LCOR: variants seen among roughly 807,000 people sequenced by gnomAD.
LCOR encodes the protein ligand dependent nuclear receptor corepressor, also known as ligand-dependent corepressor.
LCOR carries 14 observed loss-of-function variants against 64.4 expected under a neutral mutation model. That is an observed-to-expected ratio of 0.22 (90% confidence interval 0.14 to 0.34). The LOEUF is 0.34. Among genes scored for constraint, LCOR ranks in the 10% least tolerant of loss-of-function variants. The pLI is 1.00. For missense variants in LCOR, 1,686 were observed against 1,765.3 expected, an observed-to-expected ratio of 0.96 and a Z score of 0.80; for synonymous variants, 643 against 642.5, an observed-to-expected ratio of 1.00 and a Z score of -0.01.
chr10:96,912,623 C>CCTTCCTTT (rs1554836487), intron 4 of LCOR, among the ~76,000 whole-genome samples: 2 of 148,566 alleles, frequency 1.3e-5, no homozygotes, highest in African/African-American at 4.9e-5. Context: ...TTCCTTCCTT[C>CCTTCCTTT]CTTCCTTCCT....
chr10:96,979,383 C>T (rs1366906426), intron 7 of LCOR, among the ~76,000 whole-genome samples: 1 of 152,230 alleles, frequency 6.6e-6, no homozygotes, highest in Non-Finnish European at 1.5e-5. Context: ...ACAACCCAGA[C>T]ATCCAGAAGC....
intron 4 of LCOR, among the ~76,000 whole-genome samples, chr10:96,940,197 G>A (rs980716177): frequency 2.0e-5 from 3 of 151,722 alleles, no homozygotes; most frequent in Non-Finnish European, 4.4e-5. Flanking sequence ...AATATAAATG[G>A]TGTAGCTGCT....
chr10:96,958,359 T>G, intron 7 of LCOR: 2 of 1,530,718 alleles, frequency 1.3e-6, no homozygotes, highest in Non-Finnish European at 1.8e-6. Flanking sequence ...GTCATTGTAG[T>G]GTACATGGAG....
chr10:96,865,477 A>G (rs1564607933), intron 2 of LCOR, among the ~76,000 whole-genome samples: 2 of 152,168 alleles, frequency 1.3e-5, no homozygotes, highest in South Asian at 2.1e-4. Flanking sequence ...TCCAAAATCA[A>G]ATAGGAGTGA....
At chr10:96,838,453 C>T (rs1845483764) in intron 2 of LCOR, among the ~76,000 whole-genome samples, 1 of 152,090 alleles carries the variant, frequency 6.6e-6, no homozygotes, top group Non-Finnish European at 1.5e-5. Flanking sequence ...AAAAAGAAAC[C>T]CCACATCCAT....
intron 2 of LCOR, among the ~76,000 whole-genome samples, chr10:96,858,633 C>T (rs1200193408): frequency 6.6e-6 from 1 of 152,144 alleles, no homozygotes; most frequent in Non-Finnish European, 1.5e-5. Flanking sequence ...AGTAATTAGG[C>T]TTGTCATTAC....
intron 2 of LCOR, among the ~76,000 whole-genome samples, chr10:96,860,714 A>G (rs1845874573): frequency 6.6e-6 from 1 of 152,220 alleles, no homozygotes; most frequent in Non-Finnish European, 1.5e-5. Context: ...ATCTTCAGAA[A>G]ATGTGATGTT....
chr10:96,897,069 G>GAGAGAAAGAGAA (rs537024870), intron 2 of LCOR, among the ~76,000 whole-genome samples: 28 of 116,410 alleles, frequency 2.4e-4, no homozygotes, highest in African/African-American at 9.9e-4. Flanking sequence ...GAGAGAGAGA[G>GAGAGAAAGAGAA]AGAGAAAGAG....
chr10:96,974,525 A>G (rs1352291736), intron 7 of LCOR, among the ~76,000 whole-genome samples: 1 of 152,242 alleles, frequency 6.6e-6, no homozygotes, highest in Non-Finnish European at 1.5e-5. Flanking sequence ...TGTGAAGGAC[A>G]TCGTATGATA....
intron 2 of LCOR, among the ~76,000 whole-genome samples, chr10:96,871,980 G>A (rs1178688365): frequency 3.3e-5 from 5 of 152,200 alleles, no homozygotes; most frequent in South Asian, 2.1e-4. Flanking sequence ...TCCCCAGGAA[G>A]TTTTGTAACT....
intron 2 of LCOR, among the ~76,000 whole-genome samples, chr10:96,895,590 C>G (rs1274988625): frequency 3.3e-5 from 5 of 152,202 alleles, no homozygotes; most frequent in African/African-American, 1.2e-4. Flanking sequence ...AATTCAAAAT[C>G]CAGTCTCCTC....
intron 1 of LCOR, among the ~76,000 whole-genome samples, chr10:96,832,635 G>C (rs1845359537): frequency 6.7e-6 from 1 of 149,704 alleles, no homozygotes; most frequent in Non-Finnish European, 1.5e-5. Context: ...CCCCGGGGCT[G>C]GCTCTCGGCG....
intron 2 of LCOR, among the ~76,000 whole-genome samples, chr10:96,904,520 G>A (rs559045249): frequency 4.8e-4 from 73 of 152,300 alleles, no homozygotes; most frequent in African/African-American, 1.7e-3. Context: ...CTGAAGACAT[G>A]GTGCAGGTTG....
intron 4 of LCOR, among the ~76,000 whole-genome samples, chr10:96,923,079 T>C (rs1847109311): frequency 6.6e-6 from 1 of 152,204 alleles, no homozygotes; most frequent in Admixed American, 6.5e-5. Flanking sequence ...GACCTTAAAG[T>C]GTATGGACAT....
At chr10:96,931,304 G>C (rs780660737) in intron 4 of LCOR, among the ~76,000 whole-genome samples, 1 of 151,072 alleles carries the variant, frequency 6.6e-6, no homozygotes, top group Non-Finnish European at 1.5e-5. Context: ...TGTCATCTTG[G>C]TTCACTGCAA....
Position 96,920,724 on chromosome 10 carries a change from A to G in LCOR, c.-184+12977A>G, listed in dbSNP as rs1035280504. On this transcript the variant is annotated intron_variant, in intron 4 of 7. Transcript: ENST00000421806. ...CATATATGTGTGTATATATGTATAT[A>G]TGTTCATATATATGTGTATATATGT... Among the ~76,000 whole-genome samples the G allele has an allele frequency of 9.9e-5, 13 of 131,840 alleles. 2 individuals carry two copies. Among genetic ancestry groups the G allele is most frequent in the African/African-American group, 3.9e-4 (12 of 31,166 alleles). 86.5% of individuals were successfully genotyped at this position (131,840 alleles called of 152,430 possible).
chr10:96,901,456 T>C (rs1180587312), intron 2 of LCOR, among the ~76,000 whole-genome samples: 2 of 152,158 alleles, frequency 1.3e-5, no homozygotes, highest in African/African-American at 4.8e-5. Flanking sequence ...ATTGTTGAAA[T>C]TCAGATATTT....
intron 2 of LCOR, among the ~76,000 whole-genome samples, chr10:96,899,592 AT>A (rs1846598889): frequency 6.6e-6 from 1 of 152,218 alleles, no homozygotes; most frequent in Admixed American, 6.5e-5. Context: ...AAATATCTTA[AT>A]TTAACTTCTT....
intron 2 of LCOR, among the ~76,000 whole-genome samples, chr10:96,873,465 A>G (rs1032676345): frequency 6.6e-6 from 1 of 152,060 alleles, no homozygotes; most frequent in Non-Finnish European, 1.5e-5. Flanking sequence ...TGAAATTTAC[A>G]TTCTTTTCTT....
Sources: gnomAD v4.1 joint callset for allele counts (sites outside exome capture counted in the v4.1 genomes callset) on GRCh38, gnomAD v4.1.1 for gene constraint, MANE v1.5 for transcripts, NCBI Gene and HGNC (gene_info 2026-07-23, HGNC 2026-07-21) for gene names.